MCM6: variants seen among roughly 807,000 people sequenced by gnomAD.
The protein encoded by MCM6 is minichromosome maintenance complex component 6, also known as DNA replication licensing factor MCM6.
In MCM6, 46 loss-of-function variants were observed where a neutral mutation model predicts 94.3. That is an observed-to-expected ratio of 0.49 (90% confidence interval 0.39 to 0.62). The LOEUF (loss-of-function observed/expected upper bound fraction) is 0.62, where lower values mean the gene tolerates loss of function less well. Among genes scored for constraint, MCM6 ranks in the 20% least tolerant of loss-of-function variants. The pLI is 0.00. For missense variants in MCM6, 865 were observed against 1,017.9 expected (o/e 0.85, Z 2.04); for synonymous variants, 335 against 351.9 (o/e 0.95, Z 0.54).
At chr2:135,876,221 C>G (rs1321550877) in intron 1 of MCM6, 38 bp downstream of exon 1, 2 of 1,525,962 alleles carry the variant, frequency 1.3e-6, no homozygotes, top group Admixed American at 2.0e-5. Flanking sequence ...GCCGCAGGCT[C>G]CGGAGGCGGG....
At position 135,876,315 on chromosome 2, in the gene MCM6, C is replaced by T. The variant is rs759846507; in HGVS notation, c.51G>A (p.Glu17=). The T allele has an allele frequency of 6.2e-6, 10 of 1,611,348 alleles. No homozygotes were observed. Among genetic ancestry groups the T allele is most frequent in the Non-Finnish European group, 8.5e-6 (10 of 1,179,494 alleles). Reference sequence around the variant, plus strand: ...ACTTCTCGGCCACCTCGTCGCGGACCTCCAGGTGCTGGCTGCCGGCGCCCG... The same window carrying T: ...ACTTCTCGGCCACCTCGTCGCGGACTTCCAGGTGCTGGCTGCCGGCGCCCG... ...AEPGAGSQHL[E]VRDEVAEKCQ... is the part of the protein sequence containing the mutation. The change falls in exon 1 of 17, where the codon GAG becomes GAA. Residue 17 remains glutamate, a synonymous_variant. Transcript: ENST00000264156.
intron 6 of MCM6, among the ~76,000 whole-genome samples, chr2:135,865,816 C>G (rs1680084462): frequency 6.6e-6 from 1 of 152,288 alleles, no homozygotes; most frequent in Non-Finnish European, 1.5e-5. Context: ...ATTGATGAGA[C>G]AGCCCAGATG....
chr2:135,860,790 G>T (rs1285393863), intron 8 of MCM6, among the ~76,000 whole-genome samples: 1 of 152,118 alleles, frequency 6.6e-6, no homozygotes, highest in African/African-American at 2.4e-5. Flanking sequence ...AAGGTGAAAG[G>T]CTGAATGTTT....
At chr2:135,847,909 A>C (rs1679701700) in intron 14 of MCM6, 144 bp downstream of exon 14, 1 of 586,304 alleles carries the variant, frequency 1.7e-6, no homozygotes, top group Admixed American at 2.6e-5. Flanking sequence ...TTAACTTGTA[A>C]ACAGTGAATA....
intron 6 of MCM6, 124 bp downstream of exon 6, chr2:135,866,007 TG>T: frequency 9.1e-7 from 1 of 1,096,788 alleles, no homozygotes; most frequent in Non-Finnish European, 1.3e-6. Flanking sequence ...GAGGTTGAGA[TG>T]GTAGGATCAC....
chr2:135,848,085 A>G lies in MCM6; in HGVS notation c.2021T>C (p.Met674Thr). ...VNLDQEEEIQ[M>T]EVDEGAGGIN... is the part of the protein sequence containing the mutation. Reference sequence around the variant, plus strand: ...GCCACCAGCACCCTCATCTACCTCCATCTGGATCTCTTCCTCTTGATCTAG... The same window carrying G: ...GCCACCAGCACCCTCATCTACCTCCGTCTGGATCTCTTCCTCTTGATCTAG... The change falls in exon 14 of 17, where the codon ATG becomes ACG. Residue 674 changes from methionine to threonine, a missense_variant. Coordinates refer to ENST00000264156, the MANE Select transcript of MCM6 (RefSeq NM_005915.6). 6.2e-7 allele frequency: 1 copy of G among 1,612,270 alleles called. No individual in the cohort carries two copies.
rs1680142715 is a variant in MCM6, at chr2:135,868,593, C to T, written c.615+18G>A. The T allele has an allele frequency of 6.2e-7, 1 of 1,611,662 alleles. No homozygotes were observed. The highest frequency in any genetic ancestry group is 1.7e-5 in the Admixed American group (1 of 59,976). On this transcript the variant is annotated intron_variant, in intron 4 of 16. Transcript: ENST00000264156. ...TATCATAGATGGACTCTGATCTAAA[C>T]AGATGTTAAATAAATACCTTTTGAA...
intron 1 of MCM6, among the ~76,000 whole-genome samples, chr2:135,874,056 C>G (rs1680252323): frequency 6.6e-6 from 1 of 152,122 alleles, no homozygotes; most frequent in African/African-American, 2.4e-5. Flanking sequence ...AACTTTATTC[C>G]ACAAGCAATG....
intron 1 of MCM6, among the ~76,000 whole-genome samples, chr2:135,874,067 G>A (rs966857696): frequency 5.0e-4 from 76 of 152,338 alleles, no homozygotes; most frequent in African/African-American, 1.8e-3. Context: ...ACAAGCAATG[G>A]TGAATTAAAG....
rs1340586086 is a variant in MCM6, at chr2:135,839,973, A to G, written c.*862T>C. The G allele has an allele frequency of 6.6e-6, 1 of 152,198 alleles. No individual in the cohort carries two copies. Among genetic ancestry groups the G allele is most frequent in the Non-Finnish European group, 1.5e-5 (1 of 68,050 alleles). The allele number at this position is 152,198 out of a possible 1,614,324, so 9.4% of individuals were successfully genotyped here. On this transcript the variant is annotated 3_prime_UTR_variant, in exon 17 of 17. Coordinates refer to ENST00000264156, the MANE Select transcript of MCM6 (RefSeq NM_005915.6). The stretch of plus-strand genomic sequence containing the variant: ...AATGCCATCTGTTGTTAAAAGCTGC[A>G]ACACAGGAACTGCTCCACCTCATGA...
chr2:135,853,410 A>C lies in MCM6; in HGVS notation c.1627-495T>G, dbSNP rs147880669. On this transcript the variant is annotated intron_variant, in intron 11 of 16. Transcript: ENST00000264156. ...AGTGAAGCCATGATTGCACCACTGC[A>C]CTCCAGCCTGGGCAACAGAGTAAGC... Among the ~76,000 whole-genome samples the C allele has an allele frequency of 8.9e-4, 136 of 152,294 alleles. 1 individual carries two copies. Among genetic ancestry groups the C allele is most frequent in the African/African-American group, 3.0e-3 (124 of 41,558 alleles).
At chr2:135,864,135 T>C (rs547999425) in intron 7 of MCM6, among the ~76,000 whole-genome samples, 2 of 151,778 alleles carry the variant, frequency 1.3e-5, no homozygotes, top group South Asian at 4.2e-4. Flanking sequence ...TAAAAAAAGA[T>C]AAAAAAAGGT....
intron 4 of MCM6, among the ~76,000 whole-genome samples, chr2:135,867,798 A>G (rs1214483540): frequency 6.6e-6 from 1 of 152,134 alleles, no homozygotes; most frequent in Non-Finnish European, 1.5e-5. Flanking sequence ...AGGCAGAGGC[A>G]GGCGGATCAC....
At chr2:135,843,730 C>A (rs1211735036) in intron 16 of MCM6, among the ~76,000 whole-genome samples, 48 of 90,860 alleles carry the variant, frequency 5.3e-4, no homozygotes, top group African/African-American at 1.2e-3. Context: ...AACTCTGTCT[C>A]AAAAAAAAAA....
intron 8 of MCM6, 57 bp downstream of exon 8, chr2:135,862,550 C>A: frequency 6.3e-7 from 1 of 1,595,306 alleles, no homozygotes; most frequent in Non-Finnish European, 8.6e-7. Context: ...GGTAGCACAG[C>A]CAGCCTGGGA....
At chr2:135,870,599 C>T (rs1680182005) in intron 2 of MCM6, among the ~76,000 whole-genome samples, 1 of 152,226 alleles carries the variant, frequency 6.6e-6, no homozygotes, top group Non-Finnish European at 1.5e-5. Context: ...TCATATAGCA[C>T]ATAAATAATC....
intron 2 of MCM6, among the ~76,000 whole-genome samples, chr2:135,871,481 C>T (rs1319263273): frequency 1.3e-5 from 2 of 152,332 alleles, no homozygotes; most frequent in Non-Finnish European, 2.9e-5. Context: ...GAGACTGTGC[C>T]TCCTTATCCC....
chr2:135,874,611 T>C (rs543135984), intron 1 of MCM6, among the ~76,000 whole-genome samples: 1 of 152,322 alleles, frequency 6.6e-6, no homozygotes, highest in Non-Finnish European at 1.5e-5. Flanking sequence ...GCAGTATATA[T>C]ACAGGTTGAG....
rs770313220 is a variant in MCM6 at position 135,866,677 on chromosome 2, T to C, written c.667A>G (p.Ser223Gly). 2 of 1,613,986 alleles carry C rather than the reference T, an allele frequency of 1.2e-6. No individual in the cohort carries two copies. The highest frequency in any genetic ancestry group is 8.5e-7 in the Non-Finnish European group (1 of 1,179,992). ...TCAGCCCTTAAAATTACTTCTAAAC[T>C]GCGGGGGATACTCCCTCGAGGAAGC... ...AELPRGSIPR[S>G]LEVILRAEAV... The change falls in exon 5 of 17, where the codon AGT becomes GGT. Residue 223 changes from serine (S) to glycine (G), a missense_variant. This residue lies in a region of MCM6 where 404 missense variants were observed against 451.9 expected (regional missense o/e 0.89). Transcript: ENST00000264156.
Sources: allele counts gnomAD v4.1 joint callset (sites outside exome capture counted in the v4.1 genomes callset), GRCh38; gene constraint gnomAD v4.1.1; regional missense constraint gnomAD v4.1.1; transcripts MANE v1.5; gene names NCBI Gene and HGNC (gene_info 2026-07-23, HGNC 2026-07-21).